Variants in SAMD3 observed in about 807,000 individuals in gnomAD.
SAMD3 encodes sterile alpha motif domain-containing protein 3.
A neutral mutation model predicts 58.5 loss-of-function variants in SAMD3; 63 were observed. The observed-to-expected ratio is 1.08, with a 90% confidence interval of 0.88 to 1.33. The LOEUF (loss-of-function observed/expected upper bound fraction) is 1.33, where lower values mean the gene tolerates loss of function less well. SAMD3 is among the 40% of genes most tolerant of loss of function. The probability of loss-of-function intolerance (pLI) is 0.00; values close to 1 mark genes in which losing one functional copy is unlikely to be tolerated. For synonymous variants in SAMD3, 220 were observed against 210.3 expected (o/e 1.05, Z -0.40); for missense variants, 604 against 608.4 (o/e 0.99, Z 0.08).
chr6:130,365,707 G>GA, upstream of SAMD3: 24 of 985,512 alleles, frequency 2.4e-5, no homozygotes, highest in Non-Finnish European at 2.9e-5. Flanking sequence ...AGCCCGGGAA[G>GA]AGCGCCTGCA....
intron 4 of SAMD3, among the ~76,000 whole-genome samples, chr6:130,211,043 C>A (rs940038243): frequency 1.3e-5 from 2 of 151,714 alleles, no homozygotes; most frequent in Non-Finnish European, 2.9e-5. Flanking sequence ...TTGCTTGAAC[C>A]TGGGAGGCAG....
Position 130,289,490 on chromosome 6 carries a change from G to GA in SAMD3, c.-188+23487dup, listed in dbSNP as rs143868278. 6.9e-5 allele frequency among the ~76,000 whole-genome samples: 9 copies of GA among 131,338 alleles called. No individual in the cohort carries two copies. The East Asian group carries it at 7.9e-4, about 12-fold the overall frequency. 86.2% of individuals were successfully genotyped at this position (131,338 alleles called of 152,430 possible). ...TATTTGAGAGGTAGTAAAAGGTAAA[G>GA]AAAAAAAAATATATATAGAGAGAGA... On this transcript the variant is annotated intron_variant, in intron 2 of 13. Transcript: ENST00000368134.
chr6:130,249,270 G>A (rs927674820), intron 2 of SAMD3, among the ~76,000 whole-genome samples: 40 of 152,172 alleles, frequency 2.6e-4, no homozygotes, highest in Admixed American at 1.4e-3. Context: ...ATTGGCCAAA[G>A]AGTATCTCTT....
intron 1 of SAMD3, among the ~76,000 whole-genome samples, chr6:130,333,766 GA>G (rs1777015292): frequency 6.6e-6 from 1 of 152,184 alleles, no homozygotes; most frequent in South Asian, 2.1e-4. Context: ...CTGACAGATG[GA>G]GAAAGAGAGT....
intron 1 of SAMD3, among the ~76,000 whole-genome samples, chr6:130,317,541 A>G (rs893897159): frequency 6.6e-6 from 1 of 152,246 alleles, no homozygotes; most frequent in African/African-American, 2.4e-5. Context: ...ATGTCAGGAA[A>G]GTCTTATACA....
At position 130,187,107 on chromosome 6, in the gene SAMD3, G is replaced by A. The variant is rs151043084; in HGVS notation, c.384-2484C>T. ...TTTTAAAAGCGATGTAACTTGGCAG[G>A]TGTTAAGCTGGTTTCAGTAATCTTA... On this transcript the variant is annotated intron_variant, in intron 5 of 11. Coordinates refer to ENST00000439090, the MANE Select transcript of SAMD3 (RefSeq NM_001017373.4). Among the ~76,000 whole-genome samples, 394 of 152,142 alleles carry A rather than the reference G, an allele frequency of 2.6e-3. 1 individual carries two copies. The highest frequency in any genetic ancestry group is 8.0e-3 in the African/African-American group (331 of 41,522).
chr6:130,233,375 A>C (rs1327675771), intron 2 of SAMD3, among the ~76,000 whole-genome samples: 4 of 152,014 alleles, frequency 2.6e-5, no homozygotes, highest in Admixed American at 2.6e-4. Context: ...ACAACTTTTA[A>C]CTCTCTGCCT....
chr6:130,347,936 G>GA (rs1213235203), intron 1 of SAMD3, among the ~76,000 whole-genome samples: 10 of 152,180 alleles, frequency 6.6e-5, no homozygotes, highest in African/African-American at 2.4e-4. Context: ...CATTCTTAAA[G>GA]AAAAGAATTT....
intron 7 of SAMD3, among the ~76,000 whole-genome samples, chr6:130,176,496 T>G (rs879371291): frequency 1.3e-5 from 2 of 152,206 alleles, no homozygotes; most frequent in African/African-American, 4.8e-5. Flanking sequence ...GTGTGTGTGG[T>G]GCCTCTACTG....
intron 8 of SAMD3, among the ~76,000 whole-genome samples, chr6:130,157,045 A>G (rs910555300): frequency 5.3e-5 from 8 of 151,528 alleles, no homozygotes; most frequent in African/African-American, 1.9e-4. Context: ...GCTCCAGCCT[A>G]GGCAACAGAG....
At chr6:130,218,859 T>G (rs1160371778) in intron 1 of SAMD3, among the ~76,000 whole-genome samples, 1 of 152,136 alleles carries the variant, frequency 6.6e-6, no homozygotes, top group African/African-American at 2.4e-5. Context: ...AGGACCGTGC[T>G]GCTTGGAATA....
chr6:130,240,378 G>A (rs1182848088), intron 2 of SAMD3, among the ~76,000 whole-genome samples: 1 of 152,182 alleles, frequency 6.6e-6, no homozygotes, highest in Non-Finnish European at 1.5e-5. Context: ...CGTGGAATAA[G>A]CTGTAATGCT....
chr6:130,169,386 C>T (rs1440531067), intron 8 of SAMD3, among the ~76,000 whole-genome samples: 1 of 151,972 alleles, frequency 6.6e-6, no homozygotes, highest in Non-Finnish European at 1.5e-5. Flanking sequence ...AGAGCATAAA[C>T]GGAGAGGCTA....
intron 2 of SAMD3, among the ~76,000 whole-genome samples, chr6:130,237,814 A>G (rs1490996178): frequency 6.6e-6 from 1 of 152,178 alleles, no homozygotes; most frequent in Non-Finnish European, 1.5e-5. Context: ...TTCAGGTAAT[A>G]CTTTAGTTTA....
chr6:130,307,101 T>C (rs2114981895), intron 2 of SAMD3, among the ~76,000 whole-genome samples: 1 of 152,368 alleles, frequency 6.6e-6, no homozygotes, highest in East Asian at 1.9e-4. Context: ...ATCTAAAGAA[T>C]TCTGTGATAT....
intron 1 of SAMD3, among the ~76,000 whole-genome samples, chr6:130,364,821 A>G (rs1371579692): frequency 6.6e-6 from 1 of 152,012 alleles, no homozygotes; most frequent in Non-Finnish European, 1.5e-5. Context: ...GTCTCTTCTC[A>G]TTGCCATATC....
chr6:130,231,182 C>T (rs182853116), intron 2 of SAMD3, among the ~76,000 whole-genome samples: 66 of 151,840 alleles, frequency 4.3e-4, no homozygotes, highest in Non-Finnish European at 5.4e-4. Flanking sequence ...TAATAATACA[C>T]GATTTATTTT....
At chr6:130,174,293 G>A (rs1164148201) in intron 8 of SAMD3, among the ~76,000 whole-genome samples, 3 of 152,168 alleles carry the variant, frequency 2.0e-5, no homozygotes, top group African/African-American at 7.2e-5. Flanking sequence ...TGAAACCCAG[G>A]GCCCTGGTGG....
At chr6:130,296,477 C>T (rs1274285085) in intron 2 of SAMD3, among the ~76,000 whole-genome samples, 1 of 152,144 alleles carries the variant, frequency 6.6e-6, no homozygotes, top group Non-Finnish European at 1.5e-5. Context: ...GGCACTGGCT[C>T]CCAGGAACAG....
Sources: allele counts gnomAD v4.1 joint callset (sites outside exome capture counted in the v4.1 genomes callset), GRCh38; gene constraint gnomAD v4.1.1; transcripts MANE v1.5; gene names NCBI Gene and HGNC (gene_info 2026-07-23, HGNC 2026-07-21).